CASR: variants seen among roughly 807,000 people sequenced by gnomAD.
The protein encoded by CASR is extracellular calcium-sensing receptor.
Under a neutral mutation model 69.1 loss-of-function variants are expected in CASR, and 23 were observed. The observed-to-expected ratio is 0.33, with a 90% CI of 0.24 to 0.47. The LOEUF is 0.47. Ranked by LOEUF, CASR falls within the 20% of genes least tolerant of loss-of-function variation. The pLI is 1.00. For missense variants in CASR, 924 were observed against 1,356.1 expected, an observed-to-expected ratio of 0.68 and a Z score of 5.00; for synonymous variants, 541 against 544.7, an observed-to-expected ratio of 0.99 and a Z score of 0.10.
chr3:122,208,223 C>A lies in CASR; in HGVS notation c.-243+24411C>A, dbSNP rs796708431. On this transcript the variant is annotated intron_variant, in intron 1 of 6. Coordinates refer to ENST00000639785, the MANE Select transcript of CASR (RefSeq NM_000388.4). ...TTATATCAAGCAACTTTGCTAAATT[C>A]TCTCTTTGTTTTTTCTTTAGACGGG... Among the ~76,000 whole-genome samples the A allele has an allele frequency of 6.6e-5, 10 of 152,094 alleles. No individual in the cohort carries two copies. The South Asian group carries it at 2.1e-3, about 32-fold the overall frequency.
intron 1 of CASR, among the ~76,000 whole-genome samples, chr3:122,202,955 A>G (rs1477859702): frequency 2.0e-5 from 3 of 152,184 alleles, no homozygotes; most frequent in Admixed American, 6.5e-5. Context: ...TCAATTATCA[A>G]GGTCCCGGGT....
chr3:122,265,741 T>C (rs2074685615), intron 4 of CASR, among the ~76,000 whole-genome samples: 1 of 152,172 alleles, frequency 6.6e-6, no homozygotes, highest in Admixed American at 6.5e-5. Flanking sequence ...AAGTATGAAA[T>C]CACCTTCTTT....
intron 1 of CASR, among the ~76,000 whole-genome samples, chr3:122,240,915 A>G (rs2074373428): frequency 1.3e-5 from 2 of 151,860 alleles, no homozygotes; most frequent in South Asian, 4.2e-4. Flanking sequence ...AATTTAAACA[A>G]CATGTTCTTG....
At chr3:122,257,942 C>G (rs2074574083) in intron 3 of CASR, among the ~76,000 whole-genome samples, 1 of 152,178 alleles carries the variant, frequency 6.6e-6, no homozygotes, top group Non-Finnish European at 1.5e-5. Flanking sequence ...TATGTATAAG[C>G]GGTCTCCACT....
At chr3:122,197,439 G>A (rs2073901132) in intron 1 of CASR, among the ~76,000 whole-genome samples, 1 of 152,060 alleles carries the variant, frequency 6.6e-6, no homozygotes, top group African/African-American at 2.4e-5. Context: ...AGGAAATCCT[G>A]TACTTTTTTA....
chr3:122,260,895 A>G (rs990472031), intron 3 of CASR, among the ~76,000 whole-genome samples: 4 of 152,160 alleles, frequency 2.6e-5, no homozygotes, highest in Admixed American at 6.5e-5. Flanking sequence ...AGTTTTTTCT[A>G]AAGTACTGGG....
chr3:122,263,946 A>G (rs2074657279), intron 4 of CASR, among the ~76,000 whole-genome samples: 1 of 152,142 alleles, frequency 6.6e-6, no homozygotes, highest in African/African-American at 2.4e-5. Context: ...CTCACGTCCA[A>G]TGCAAGGAGG....
intron 1 of CASR, among the ~76,000 whole-genome samples, chr3:122,253,282 C>T (rs1013207863): frequency 1.3e-5 from 2 of 152,220 alleles, no homozygotes; most frequent in Non-Finnish European, 2.9e-5. Flanking sequence ...ACTCTTGTTG[C>T]CCAGTCTGGA....
intron 4 of CASR, among the ~76,000 whole-genome samples, chr3:122,272,770 G>C (rs2074774812): frequency 6.6e-6 from 1 of 152,212 alleles, no homozygotes. Context: ...TTTCCTGGTT[G>C]ATTGATTCCA....
chr3:122,194,001 G>C (rs558956250), intron 1 of CASR, among the ~76,000 whole-genome samples: 3 of 152,090 alleles, frequency 2.0e-5, no homozygotes, highest in Admixed American at 2.0e-4. Flanking sequence ...GTTTGTAGGT[G>C]GTGGAAACTA....
At chr3:122,251,428 A>G (rs2074482097) in intron 1 of CASR, among the ~76,000 whole-genome samples, 1 of 152,194 alleles carries the variant, frequency 6.6e-6, no homozygotes, top group South Asian at 2.1e-4. Context: ...CTGAAATCCA[A>G]TCTGTGTTCC....
intron 4 of CASR, among the ~76,000 whole-genome samples, chr3:122,275,455 T>C (rs534133232): frequency 6.6e-6 from 1 of 152,378 alleles, no homozygotes; most frequent in South Asian, 2.1e-4. Flanking sequence ...AGGGATGGAC[T>C]CTGGCTTATA....
At chr3:122,245,529 G>T (rs2074419324) in intron 1 of CASR, 1 of 152,140 alleles carries the variant, frequency 6.6e-6, no homozygotes, top group African/African-American at 2.4e-5. Context: ...GGAATGATAG[G>T]CATGTGGTTG....
At chr3:122,266,573 T>C (rs1443193327) in intron 4 of CASR, among the ~76,000 whole-genome samples, 2 of 152,118 alleles carry the variant, frequency 1.3e-5, no homozygotes. Context: ...CTTTTTTTGT[T>C]TCTCTTCCCC....
chr3:122,273,005 C>A (rs1267938946), intron 4 of CASR, among the ~76,000 whole-genome samples: 1 of 152,200 alleles, frequency 6.6e-6, no homozygotes, highest in Non-Finnish European at 1.5e-5. Flanking sequence ...GGATCTTGTG[C>A]AGTTCCCCTC....
intron 1 of CASR, among the ~76,000 whole-genome samples, chr3:122,201,897 G>A (rs1460420961): frequency 1.5e-4 from 23 of 151,974 alleles, no homozygotes; most frequent in African/African-American, 5.3e-4. Context: ...TTCCTAGATG[G>A]GATGGCGGCC....
At chr3:122,197,705 T>C (rs2073903474) in intron 1 of CASR, among the ~76,000 whole-genome samples, 3 of 152,220 alleles carry the variant, frequency 2.0e-5, no homozygotes. Context: ...ATTGATCTCC[T>C]AAACTCATCA....
chr3:122,275,627 C>A (rs1178372542), intron 4 of CASR, among the ~76,000 whole-genome samples, 185 bp from the exon 5 acceptor site: 1 of 152,246 alleles, frequency 6.6e-6, no homozygotes, highest in Non-Finnish European at 1.5e-5. Flanking sequence ...CATGGCTTAA[C>A]AGGGCTGCTG....
rs1232656308 is a variant in CASR at position 122,285,760 on chromosome 3, G to C, written c.*569G>C. ...GGTTTGCACCCCTCCTATACCATAT[G>C]TCTGCTTCTGTCCAGGACATGATAC... On this transcript the variant is annotated 3_prime_UTR_variant, in exon 7 of 7. Coordinates refer to ENST00000639785, the MANE Select transcript of CASR (RefSeq NM_000388.4). 3.0e-5 allele frequency: 5 copies of C among 165,178 alleles called. No individual in the cohort carries two copies. The East Asian group carries it at 8.0e-4, about 26-fold the overall frequency. 10.2% of individuals were successfully genotyped at this position (165,178 alleles called of 1,614,324 possible).
Sources: allele counts gnomAD v4.1 joint callset (sites outside exome capture counted in the v4.1 genomes callset), GRCh38; gene constraint gnomAD v4.1.1; transcripts MANE v1.5; gene names NCBI Gene and HGNC (gene_info 2026-07-23, HGNC 2026-07-21).